Variants in BMAL1 observed in about 807,000 individuals in gnomAD.
The protein encoded by BMAL1 is basic helix-loop-helix ARNT like 1.
the BMAL1 span, among the ~76,000 whole-genome samples, chr11:13,284,246 A>ATGTG: frequency 0.066 from 740 of 11,228 alleles, 83 homozygotes; most frequent in Middle Eastern, 0.17. Flanking sequence ...ATATATATAT[A>ATGTG]TATATATATA....
At chr11:13,351,257 C>G in the BMAL1 span, among the ~76,000 whole-genome samples, 3 of 152,100 alleles carry the variant, frequency 2.0e-5, no homozygotes, top group African/African-American at 7.2e-5. Flanking sequence ...TTTGGAATGT[C>G]GAGCTCATAG....
chr11:13,298,341 G>A, the BMAL1 span, among the ~76,000 whole-genome samples: 3 of 152,156 alleles, frequency 2.0e-5, no homozygotes, highest in Non-Finnish European at 4.4e-5. Flanking sequence ...TCCCCCAGAG[G>A]TGTGTATGGC....
chr11:13,373,409 A>G, the BMAL1 span, among the ~76,000 whole-genome samples: 2 of 152,240 alleles, frequency 1.3e-5, no homozygotes, highest in African/African-American at 4.8e-5. Flanking sequence ...CAGCTGCTGC[A>G]GCTTCTGGCA....
chr11:13,364,917 C>T, the BMAL1 span, among the ~76,000 whole-genome samples: 2 of 152,082 alleles, frequency 1.3e-5, no homozygotes, highest in Admixed American at 6.6e-5. Flanking sequence ...ATCACATTAA[C>T]GTGGAAGTGG....
the BMAL1 span, among the ~76,000 whole-genome samples, chr11:13,283,384 T>C: frequency 2.7e-4 from 41 of 152,352 alleles, no homozygotes; most frequent in Middle Eastern, 3.4e-3. Context: ...GAACACTTTC[T>C]ATGTGCCAGC....
chr11:13,367,363 T>C, the BMAL1 span, among the ~76,000 whole-genome samples: 5 of 152,156 alleles, frequency 3.3e-5, no homozygotes, highest in Non-Finnish European at 5.9e-5. Context: ...TCATCTACTT[T>C]AGTCCTGTGG....
the BMAL1 span, among the ~76,000 whole-genome samples, chr11:13,367,184 A>AT: frequency 6.6e-6 from 1 of 152,188 alleles, no homozygotes; most frequent in Non-Finnish European, 1.5e-5. Flanking sequence ...TAAAAGTAAG[A>AT]AAACGTCAAC....
the BMAL1 span, among the ~76,000 whole-genome samples, chr11:13,305,215 A>T: frequency 2.6e-5 from 4 of 152,154 alleles, no homozygotes; most frequent in African/African-American, 9.7e-5. Flanking sequence ...CACCTACTAG[A>T]TGCTGGGCCC....
chr11:13,328,144 G>A, the BMAL1 span, among the ~76,000 whole-genome samples: 3 of 152,158 alleles, frequency 2.0e-5, no homozygotes, highest in Non-Finnish European at 2.9e-5. Context: ...CACAAGCCAT[G>A]GCCTGCATCT....
At chr11:13,295,069 C>T in the BMAL1 span, among the ~76,000 whole-genome samples, 5 of 152,306 alleles carry the variant, frequency 3.3e-5, no homozygotes, top group East Asian at 1.9e-4. Flanking sequence ...CTGAGCTGGC[C>T]GAGCTTCCCT....
At chr11:13,311,111 G>T in the BMAL1 span, among the ~76,000 whole-genome samples, 2 of 152,248 alleles carry the variant, frequency 1.3e-5, no homozygotes, top group African/African-American at 4.8e-5. Flanking sequence ...GATGTTGGGG[G>T]TGGAAAGGAT....
At chr11:13,333,492 T>G in the BMAL1 span, among the ~76,000 whole-genome samples, 1 of 152,200 alleles carries the variant, frequency 6.6e-6, no homozygotes, top group Non-Finnish European at 1.5e-5. Flanking sequence ...TTAAGACTGG[T>G]GCAAAGTCCA....
the BMAL1 span, among the ~76,000 whole-genome samples, chr11:13,295,462 C>T: frequency 5.3e-5 from 8 of 152,102 alleles, no homozygotes; most frequent in Non-Finnish European, 1.0e-4. Context: ...GGGATAGGAA[C>T]CTATGTCCCT....
At chr11:13,340,702 T>TGTC in the BMAL1 span, among the ~76,000 whole-genome samples, 2 of 152,262 alleles carry the variant, frequency 1.3e-5, no homozygotes, top group South Asian at 4.1e-4. Context: ...AGTTCCTTCA[T>TGTC]GTCCTCTTGC....
the BMAL1 span, among the ~76,000 whole-genome samples, chr11:13,300,860 G>A: frequency 5.9e-3 from 901 of 152,304 alleles, 14 homozygotes; most frequent in African/African-American, 0.02. Flanking sequence ...TTGGTCCCCA[G>A]TACTGCTTTG....
At chr11:13,370,900 G>T in the BMAL1 span, among the ~76,000 whole-genome samples, 1 of 152,152 alleles carries the variant, frequency 6.6e-6, no homozygotes, top group African/African-American at 2.4e-5. Context: ...CCCCTTCTGG[G>T]CAATGCTTCT....
the BMAL1 span, among the ~76,000 whole-genome samples, chr11:13,304,273 G>A: frequency 3.3e-5 from 5 of 152,230 alleles, no homozygotes; most frequent in African/African-American, 7.2e-5. Flanking sequence ...GCCCTGAGCC[G>A]GGGTGGTAGA....
At chr11:13,342,883 C>T in the BMAL1 span, among the ~76,000 whole-genome samples, 1 of 152,180 alleles carries the variant, frequency 6.6e-6, no homozygotes, top group South Asian at 2.1e-4. Context: ...GTTACTTACT[C>T]TCTCAAACTT....
chr11:13,347,979 T>G, the BMAL1 span, among the ~76,000 whole-genome samples: 16 of 152,060 alleles, frequency 1.1e-4, no homozygotes, highest in Non-Finnish European at 2.1e-4. Context: ...AGGAGACGCC[T>G]ATAAATAAGG....
Sources: gnomAD v4.1 joint callset for allele counts (sites outside exome capture counted in the v4.1 genomes callset) on GRCh38, gnomAD v4.1.1 for gene constraint, MANE v1.5 for transcripts, NCBI Gene and HGNC (gene_info 2026-07-23, HGNC 2026-07-21) for gene names.